Variants in MOB3B observed in about 807,000 individuals in gnomAD.
MOB3B encodes the protein MOB kinase activator 3B.
Under a neutral mutation model 18.7 loss-of-function variants are expected in MOB3B, and 7 were observed. The ratio of observed to expected loss-of-function variants is 0.37; its 90% CI spans 0.21 to 0.70. The LOEUF is 0.70. MOB3B is among the 30% of genes least tolerant of loss of function. The pLI is 0.52. For synonymous variants in MOB3B, 111 were observed against 99.9 expected (o/e 1.11, Z -0.66); for missense variants, 253 against 281.3 (o/e 0.90, Z 0.72).
At chr9:27,332,801 G>T (rs1820807386) in intron 3 of MOB3B, among the ~76,000 whole-genome samples, 2 of 152,164 alleles carry the variant, frequency 1.3e-5, no homozygotes, top group South Asian at 2.1e-4. Flanking sequence ...ACCTTACCAG[G>T]TCACATAGAA....
At chr9:27,417,790 C>T (rs1249541529) in intron 2 of MOB3B, among the ~76,000 whole-genome samples, 1 of 152,042 alleles carries the variant, frequency 6.6e-6, no homozygotes, top group African/African-American at 2.4e-5. Context: ...TGGCCGGGTG[C>T]GGTGGCTCAC....
At chr9:27,505,131 T>C (rs1587264645) in intron 1 of MOB3B, among the ~76,000 whole-genome samples, 1 of 152,242 alleles carries the variant, frequency 6.6e-6, no homozygotes, top group African/African-American at 2.4e-5. Context: ...ACAGGCTTTA[T>C]GGATGAGAAT....
At chr9:27,360,791 T>C (rs751900663) in intron 2 of MOB3B, among the ~76,000 whole-genome samples, 6 of 152,206 alleles carry the variant, frequency 3.9e-5, no homozygotes, top group Admixed American at 2.0e-4. Flanking sequence ...CCAACACTGA[T>C]AATGGCTTTT....
chr9:27,369,042 C>G (rs1821378627), intron 2 of MOB3B, among the ~76,000 whole-genome samples: 1 of 152,134 alleles, frequency 6.6e-6, no homozygotes, highest in African/African-American at 2.4e-5. Flanking sequence ...AGAAACAAAC[C>G]CTAGACCGTG....
At chr9:27,482,239 G>A (rs1819671430) in intron 1 of MOB3B, among the ~76,000 whole-genome samples, 1 of 152,070 alleles carries the variant, frequency 6.6e-6, no homozygotes, top group African/African-American at 2.4e-5. Flanking sequence ...TTAAAGGACG[G>A]GAAAAACATT....
At chr9:27,340,470 G>A (rs1171998149) in intron 3 of MOB3B, among the ~76,000 whole-genome samples, 4 of 152,172 alleles carry the variant, frequency 2.6e-5, no homozygotes, top group African/African-American at 7.2e-5. Flanking sequence ...GATGGGTTAC[G>A]GACACATGGT....
chr9:27,385,063 C>T (rs1453367038), intron 2 of MOB3B, among the ~76,000 whole-genome samples: 2 of 152,156 alleles, frequency 1.3e-5, no homozygotes, highest in African/African-American at 4.8e-5. Context: ...CAAGTCAAAG[C>T]TGTTTAATTA....
chr9:27,509,608 G>C (rs1307544695), intron 1 of MOB3B, among the ~76,000 whole-genome samples: 1 of 151,780 alleles, frequency 6.6e-6, no homozygotes, highest in African/African-American at 2.4e-5. Context: ...GTAGAGATGA[G>C]TTTTCACCAT....
intron 1 of MOB3B, among the ~76,000 whole-genome samples, chr9:27,467,708 A>G (rs1819408306): frequency 6.6e-6 from 1 of 152,186 alleles, no homozygotes; most frequent in Non-Finnish European, 1.5e-5. Context: ...GCTCAGCCTG[A>G]CCTTTTTTCC....
At chr9:27,422,579 G>A (rs1587201791) in intron 2 of MOB3B, among the ~76,000 whole-genome samples, 1 of 152,226 alleles carries the variant, frequency 6.6e-6, no homozygotes. Flanking sequence ...TTGGCAATAT[G>A]TAGTTTTATG....
chr9:27,393,134 C>G (rs148139273), intron 2 of MOB3B, among the ~76,000 whole-genome samples: 3 of 152,148 alleles, frequency 2.0e-5, no homozygotes, highest in African/African-American at 7.2e-5. Context: ...TCTGAAATAG[C>G]AGTTCTACAC....
intron 2 of MOB3B, among the ~76,000 whole-genome samples, chr9:27,441,195 A>G (rs1351046265): frequency 1.3e-5 from 2 of 152,200 alleles, no homozygotes; most frequent in East Asian, 1.9e-4. Flanking sequence ...AGCACTTACC[A>G]TGCACTGTGG....
intron 2 of MOB3B, among the ~76,000 whole-genome samples, chr9:27,438,783 C>T (rs1822550205): frequency 6.6e-6 from 1 of 152,110 alleles, no homozygotes; most frequent in Non-Finnish European, 1.5e-5. Context: ...AGCCAGATTC[C>T]ACAGCCATTT....
At chr9:27,485,184 T>C (rs757818399) in intron 1 of MOB3B, among the ~76,000 whole-genome samples, 3 of 152,226 alleles carry the variant, frequency 2.0e-5, no homozygotes, top group Non-Finnish European at 4.4e-5. Context: ...TATTAACTCA[T>C]TTAATCCTCG....
At chr9:27,359,546 T>G (rs1430998970) in intron 2 of MOB3B, among the ~76,000 whole-genome samples, 1 of 152,240 alleles carries the variant, frequency 6.6e-6, no homozygotes, top group Non-Finnish European at 1.5e-5. Context: ...TACTTGGACC[T>G]GCTGCATTTT....
chr9:27,463,402 A>G (rs1819324110), intron 1 of MOB3B, among the ~76,000 whole-genome samples: 1 of 152,130 alleles, frequency 6.6e-6, no homozygotes, highest in South Asian at 2.1e-4. Context: ...CACCTACTTA[A>G]AAGTGCCTCT....
intron 2 of MOB3B, among the ~76,000 whole-genome samples, chr9:27,436,661 T>A (rs192427397): frequency 1.3e-5 from 2 of 152,210 alleles, no homozygotes; most frequent in Non-Finnish European, 2.9e-5. Flanking sequence ...GTTATGATGA[T>A]TTGCATTTTA....
chr9:27,357,148 G>GTA (rs1554645173), intron 3 of MOB3B, among the ~76,000 whole-genome samples: 1 of 69,206 alleles, frequency 1.4e-5, no homozygotes, highest in Non-Finnish European at 2.9e-5. Flanking sequence ...ATATATATGT[G>GTA]TTTTTTTTTT....
At chr9:27,457,191 T>C (rs1390815038) in intron 1 of MOB3B, among the ~76,000 whole-genome samples, 1 of 152,220 alleles carries the variant, frequency 6.6e-6, no homozygotes, top group African/African-American at 2.4e-5. Context: ...TTCCTACTGG[T>C]TTACAAAGCT....
Sources: gnomAD v4.1 joint callset for allele counts (sites outside exome capture counted in the v4.1 genomes callset) on GRCh38, gnomAD v4.1.1 for gene constraint, MANE v1.5 for transcripts, NCBI Gene and HGNC (gene_info 2026-07-23, HGNC 2026-07-21) for gene names.